MYO3B: variants seen among roughly 807,000 people sequenced by gnomAD.
The protein encoded by MYO3B is myosin-IIIb.
Under a neutral mutation model 174.6 loss-of-function variants are expected in MYO3B, and 156 were observed. The ratio of observed to expected loss-of-function variants is 0.89; its 90% confidence interval spans 0.78 to 1.02. The LOEUF is 1.02. MYO3B is among the 50% of genes least tolerant of loss of function. MYO3B has a pLI of 0.00. For synonymous variants in MYO3B, 563 were observed against 569.1 expected, an observed-to-expected ratio of 0.99 and a Z score of 0.15; for missense variants, 1,632 against 1,639.4, an observed-to-expected ratio of 1.00 and a Z score of 0.08.
intron 30 of MYO3B, among the ~76,000 whole-genome samples, chr2:170,542,102 G>A (rs1252122446): frequency 6.6e-6 from 1 of 152,090 alleles, no homozygotes; most frequent in African/African-American, 2.4e-5. Context: ...TCACATGTTT[G>A]TTGTGTCATG....
intron 7 of MYO3B, among the ~76,000 whole-genome samples, chr2:170,248,978 A>G (rs571281756): frequency 6.6e-6 from 1 of 152,326 alleles, no homozygotes; most frequent in African/African-American, 2.4e-5. Context: ...TTGAGCTATC[A>G]TTATTGTGTG....
At chr2:170,486,808 T>A (rs1442829683) in intron 25 of MYO3B, among the ~76,000 whole-genome samples, 1 of 152,210 alleles carries the variant, frequency 6.6e-6, no homozygotes, top group African/African-American at 2.4e-5. Context: ...TCGAGATGTC[T>A]GATCACCATC....
chr2:170,313,899 G>A (rs921660222), intron 7 of MYO3B, among the ~76,000 whole-genome samples: 2 of 152,076 alleles, frequency 1.3e-5, no homozygotes, highest in African/African-American at 4.8e-5. Context: ...GCAAGGAGAA[G>A]GGAGCCAGAG....
intron 12 of MYO3B, among the ~76,000 whole-genome samples, chr2:170,385,004 G>A (rs2094363473): frequency 6.6e-6 from 1 of 152,118 alleles, no homozygotes; most frequent in Admixed American, 6.6e-5. Flanking sequence ...TAATTCACTA[G>A]GAATGACTCA....
At chr2:170,432,217 A>G (rs1034026834) in intron 22 of MYO3B, among the ~76,000 whole-genome samples, 3 of 152,152 alleles carry the variant, frequency 2.0e-5, no homozygotes, top group African/African-American at 7.2e-5. Context: ...AGAAGAAACC[A>G]TTGTGATTAT....
chr2:170,286,831 A>G (rs891692379), intron 7 of MYO3B, among the ~76,000 whole-genome samples: 3 of 152,100 alleles, frequency 2.0e-5, no homozygotes, highest in Non-Finnish European at 4.4e-5. Flanking sequence ...TATAGAGTTC[A>G]GTGGTAATAA....
chr2:170,322,710 C>G (rs1200802390), intron 7 of MYO3B, among the ~76,000 whole-genome samples: 2 of 152,188 alleles, frequency 1.3e-5, no homozygotes, highest in African/African-American at 4.8e-5. Context: ...TCTCCTCTGG[C>G]ATTTCATATA....
chr2:170,212,392 T>TG (rs748048564), intron 3 of MYO3B, among the ~76,000 whole-genome samples: 31 of 152,072 alleles, frequency 2.0e-4, no homozygotes, highest in Non-Finnish European at 2.9e-4. Context: ...CATTTTAATA[T>TG]GGGGGGGCAT....
At chr2:170,482,450 C>T (rs543442601) in intron 25 of MYO3B, among the ~76,000 whole-genome samples, 6 of 152,322 alleles carry the variant, frequency 3.9e-5, no homozygotes, top group South Asian at 2.1e-4. Context: ...CCACAGTGCC[C>T]GGCCCAAGCT....
At chr2:170,586,319 G>T (rs1194149125) in intron 32 of MYO3B, among the ~76,000 whole-genome samples, 1 of 152,160 alleles carries the variant, frequency 6.6e-6, no homozygotes, top group Non-Finnish European at 1.5e-5. Flanking sequence ...CAGTTCCTCT[G>T]CACTAGACTC....
intron 23 of MYO3B, among the ~76,000 whole-genome samples, chr2:170,451,085 CA>C (rs1472528770): frequency 6.6e-6 from 1 of 152,192 alleles, no homozygotes; most frequent in African/African-American, 2.4e-5. Flanking sequence ...TTCCCTTTAA[CA>C]AAAACCATAT....
chr2:170,497,947 G>GAAAAAAAAAAAAAAAAAAAAAAA (rs55963352), intron 25 of MYO3B, among the ~76,000 whole-genome samples: 1 of 87,874 alleles, frequency 1.1e-5, no homozygotes, highest in Admixed American at 1.2e-4. Flanking sequence ...TTCTGCCTCA[G>GAAAAAAAAAAAAAAAAAAAAAAA]AAAAAAAAAA....
At chr2:170,447,988 A>C (rs185122076) in intron 23 of MYO3B, among the ~76,000 whole-genome samples, 6 of 152,254 alleles carry the variant, frequency 3.9e-5, no homozygotes, top group Non-Finnish European at 8.8e-5. Context: ...AGGGTCTGTA[A>C]AATATCTCAA....
At chr2:170,211,532 G>T (rs1249193862) in intron 3 of MYO3B, among the ~76,000 whole-genome samples, 1 of 152,116 alleles carries the variant, frequency 6.6e-6, no homozygotes, top group Non-Finnish European at 1.5e-5. Context: ...AGGGGATAAG[G>T]GTAAGCAATT....
At chr2:170,283,497 C>G (rs1329909612) in intron 7 of MYO3B, among the ~76,000 whole-genome samples, 2 of 152,104 alleles carry the variant, frequency 1.3e-5, no homozygotes, top group African/African-American at 4.8e-5. Flanking sequence ...CCATCTTGAA[C>G]CTCTCCCCTA....
chr2:170,523,029 A>G (rs1688780612), intron 30 of MYO3B, among the ~76,000 whole-genome samples: 1 of 152,200 alleles, frequency 6.6e-6, no homozygotes, highest in Admixed American at 6.5e-5. Context: ...CTAGCCCCTT[A>G]TGTCATTGTG....
intron 32 of MYO3B, chr2:170,641,501 G>A (rs1697943473): frequency 6.6e-6 from 1 of 152,048 alleles, no homozygotes; most frequent in South Asian, 2.1e-4. Context: ...ACCAAACTAT[G>A]AGTATGTTCC....
chr2:170,233,217 G>T (rs1012146980), intron 6 of MYO3B, among the ~76,000 whole-genome samples: 3 of 152,110 alleles, frequency 2.0e-5, no homozygotes, highest in African/African-American at 7.2e-5. Context: ...TCCTTTATTG[G>T]ACGTGTTAGT....
At chr2:170,511,039 AC>A (rs1047478908) in intron 28 of MYO3B, among the ~76,000 whole-genome samples, 7 of 151,746 alleles carry the variant, frequency 4.6e-5, no homozygotes, top group African/African-American at 1.7e-4. Flanking sequence ...GCTGCTATAA[AC>A]ATTTAGAGCA....
Sources: gnomAD v4.1 joint callset for allele counts (sites outside exome capture counted in the v4.1 genomes callset) on GRCh38, gnomAD v4.1.1 for gene constraint, MANE v1.5 for transcripts, NCBI Gene and HGNC (gene_info 2026-07-23, HGNC 2026-07-21) for gene names.